Variants in ACYP2 observed in about 807,000 individuals in gnomAD.
ACYP2 encodes acylphosphatase 2, also known as acylphosphatase-2.
In ACYP2, 12 loss-of-function variants were observed where a neutral mutation model predicts 11.2. That is an observed-to-expected ratio of 1.08 (90% CI 0.69 to 1.74). The LOEUF is 1.74. Among genes scored for constraint, ACYP2 ranks in the 40% most tolerant of loss-of-function variants. The pLI is 0.00. For missense variants in ACYP2, 134 were observed against 101.9 expected, an observed-to-expected ratio of 1.31 and a Z score of -1.35; for synonymous variants, 43 against 32.2, an observed-to-expected ratio of 1.33 and a Z score of -1.13.
chr2:54,042,512 C>G (rs1675288083), intron 2 of ACYP2, among the ~76,000 whole-genome samples: 1 of 152,212 alleles, frequency 6.6e-6, no homozygotes, highest in Admixed American at 6.5e-5. Context: ...TTAGCTTATT[C>G]TGGGAGCAAA....
At chr2:54,079,932 A>G (rs971304006) in intron 4 of ACYP2, 1 of 152,808 alleles carries the variant, frequency 6.5e-6, no homozygotes, top group Non-Finnish European at 1.5e-5. Context: ...CTTTTTCCAG[A>G]GAATAATGTT....
intron 2 of ACYP2, among the ~76,000 whole-genome samples, chr2:53,999,072 A>T (rs2104525843): frequency 6.6e-6 from 1 of 152,292 alleles, no homozygotes; most frequent in East Asian, 1.9e-4. Context: ...TGTAAAGGAA[A>T]TACAAAAAAG....
At chr2:54,088,732 T>C (rs1185009072) in intron 4 of ACYP2, among the ~76,000 whole-genome samples, 2 of 152,232 alleles carry the variant, frequency 1.3e-5, no homozygotes, top group South Asian at 2.1e-4. Flanking sequence ...TGACCATAGA[T>C]TGGCCTATTA....
intron 4 of ACYP2, among the ~76,000 whole-genome samples, chr2:54,077,099 C>T (rs1385102973): frequency 6.6e-6 from 1 of 152,124 alleles, no homozygotes; most frequent in Non-Finnish European, 1.5e-5. Context: ...CTATTTAATG[C>T]ATTTAGATTC....
At chr2:54,125,779 A>G (rs1680455739) in intron 4 of ACYP2, among the ~76,000 whole-genome samples, 1 of 148,802 alleles carries the variant, frequency 6.7e-6, no homozygotes, top group African/African-American at 2.5e-5. Flanking sequence ...TAGTTTTTAA[A>G]CATATTAAAA....
chr2:54,124,371 T>G (rs1680346009), intron 4 of ACYP2, among the ~76,000 whole-genome samples: 1 of 152,166 alleles, frequency 6.6e-6, no homozygotes, highest in African/African-American at 2.4e-5. Flanking sequence ...ATTTTTTGTA[T>G]TTTTAGTAGA....
rs74904038 is a variant in ACYP2, at chr2:54,251,161, A to C, written c.405-53527A>C. ...GTTGACAAAATGAGTGGAGCACTGT[A>C]AATACTAAGAGTTGATGGCCCATGC... On this transcript the variant is annotated intron_variant, in intron 6 of 6. Coordinates refer to ENST00000607452, the MANE Select transcript of ACYP2 (RefSeq NM_001320586.2). Among the ~76,000 whole-genome samples, 669 of 152,352 alleles carry C rather than the reference A, an allele frequency of 4.4e-3. 2 individuals carry two copies. Among genetic ancestry groups the C allele is most frequent in the African/African-American group, 0.015 (642 of 41,588 alleles).
chr2:54,254,208 G>A (rs1375720459), intron 6 of ACYP2: 3 of 152,270 alleles, frequency 2.0e-5, no homozygotes, highest in Non-Finnish European at 2.9e-5. Flanking sequence ...GGGTGGTGGT[G>A]GTAAAGAGAG....
intron 6 of ACYP2, among the ~76,000 whole-genome samples, chr2:54,153,453 ACTTAGGGT>A: frequency 7.7e-6 from 1 of 130,388 alleles, no homozygotes; most frequent in Non-Finnish European, 1.6e-5. Context: ...TGCCTGGGCT[ACTTAGGGT>A]TTTTTTTTTT....
At chr2:54,152,033 A>G (rs760022908) in intron 6 of ACYP2, among the ~76,000 whole-genome samples, 28 of 149,968 alleles carry the variant, frequency 1.9e-4, no homozygotes, top group Non-Finnish European at 3.0e-4. Context: ...ATCTTGCATT[A>G]TGTAGTATAT....
At chr2:54,274,501 T>G (rs1321413181) in intron 6 of ACYP2, among the ~76,000 whole-genome samples, 6 of 151,472 alleles carry the variant, frequency 4.0e-5, no homozygotes, top group Non-Finnish European at 7.4e-5. Flanking sequence ...ATTAACCAGG[T>G]ACGGTGGTGC....
At chr2:54,115,801 G>A (rs772452166) in intron 4 of ACYP2, 45 bp downstream of exon 1, 2 of 1,540,750 alleles carry the variant, frequency 1.3e-6, no homozygotes, top group Non-Finnish European at 8.8e-7. Context: ...GTTATGGGAG[G>A]AAGGGGAGAA....
chr2:54,121,837 G>A (rs965428527), intron 4 of ACYP2, among the ~76,000 whole-genome samples: 1 of 152,212 alleles, frequency 6.6e-6, no homozygotes, highest in African/African-American at 2.4e-5. Context: ...TATTTTGAAG[G>A]TCAGGCTGGT....
At chr2:54,140,308 G>A (rs570235694) in intron 6 of ACYP2, among the ~76,000 whole-genome samples, 8 of 152,228 alleles carry the variant, frequency 5.3e-5, no homozygotes, top group Non-Finnish European at 7.4e-5. Flanking sequence ...TTTTAAAAAC[G>A]GGGAGTATGT....
At chr2:54,275,635 G>T (rs781161661) in intron 6 of ACYP2, among the ~76,000 whole-genome samples, 1 of 152,160 alleles carries the variant, frequency 6.6e-6, no homozygotes, top group African/African-American at 2.4e-5. Flanking sequence ...GGGAGAAACT[G>T]ATAGCTATCA....
At chr2:54,196,464 A>G (rs1042064560) in intron 6 of ACYP2, among the ~76,000 whole-genome samples, 12 of 152,254 alleles carry the variant, frequency 7.9e-5, no homozygotes, top group African/African-American at 2.9e-4. Context: ...AAACATACAC[A>G]GACCTCCAGC....
intron 4 of ACYP2, among the ~76,000 whole-genome samples, chr2:54,086,547 T>C (rs1045799629): frequency 2.0e-5 from 3 of 152,240 alleles, no homozygotes; most frequent in African/African-American, 7.2e-5. Context: ...CTTTTCTATA[T>C]TTTGCTGCAT....
At chr2:54,231,785 T>C (rs1402077399) in intron 6 of ACYP2, among the ~76,000 whole-genome samples, 2 of 152,234 alleles carry the variant, frequency 1.3e-5, no homozygotes, top group East Asian at 3.8e-4. Context: ...TAAGAGTCCA[T>C]TTCCTGCCTC....
chr2:54,226,743 C>T (rs181569884), intron 6 of ACYP2, among the ~76,000 whole-genome samples: 1 of 152,284 alleles, frequency 6.6e-6, no homozygotes, highest in East Asian at 1.9e-4. Flanking sequence ...CCTTTAAGTC[C>T]TCACCACCAT....
Sources: allele counts gnomAD v4.1 joint callset (sites outside exome capture counted in the v4.1 genomes callset), GRCh38; gene constraint gnomAD v4.1.1; transcripts MANE v1.5; gene names NCBI Gene and HGNC (gene_info 2026-07-23, HGNC 2026-07-21).